The following SLC38A7 variants were observed in gnomAD, a reference collection of about 807,000 sequenced individuals.
SLC38A7 encodes the protein sodium-coupled neutral amino acid transporter 7.
In SLC38A7, 29 loss-of-function variants were observed where a neutral mutation model predicts 50.1. The observed-to-expected ratio is 0.58, with a 90% CI of 0.43 to 0.79. The LOEUF (loss-of-function observed/expected upper bound fraction) is 0.79, where lower values mean the gene tolerates loss of function less well. Ranked by LOEUF, SLC38A7 falls within the 30% of genes least tolerant of loss-of-function variation. SLC38A7 has a pLI of 0.00. For synonymous variants in SLC38A7, 244 were observed against 245.9 expected (o/e 0.99, Z 0.07); for missense variants, 483 against 610.6 (o/e 0.79, Z 2.20).
At position 58,676,362 on chromosome 16, in the gene SLC38A7, CATG is replaced by C. The variant is rs1367784430; in HGVS notation, c.711-19_711-17del. ...GGAAGCCGGCCTGTGAACAAACACA[CATG>C]GTGCTGCCACCTGGGAACCCCTCAG... is the stretch of plus-strand genomic sequence containing the variant. On this transcript the variant is annotated splice_polypyrimidine_tract_variant and intron_variant, in intron 6 of 11. Coordinates refer to ENST00000219320, the MANE Select transcript of SLC38A7 (RefSeq NM_018231.3). 6.2e-7 allele frequency: 1 copy of C among 1,614,142 alleles called. No individual in the cohort carries two copies. The highest frequency in any genetic ancestry group is 1.1e-5 in the South Asian group (1 of 91,088).
chr16:58,671,943 C>T, intron 9 of SLC38A7, 153 bp downstream of exon 9: 1 of 879,568 alleles, frequency 1.1e-6, no homozygotes, highest in Non-Finnish European at 1.7e-6. Context: ...GACACCTGGC[C>T]TGGGATATGT....
Position 58,675,919 on chromosome 16 carries a change from TTGG to T in SLC38A7, c.883+18_883+20del. On this transcript the variant is annotated intron_variant, in intron 8 of 11. Coordinates refer to ENST00000219320, the MANE Select transcript of SLC38A7 (RefSeq NM_018231.3). ...AGTGAGAGCACTCTAGTCCCAGGTC[TTGG>T]GGGGGGGGAGCACTCACCTGTCCCC... 6.5e-7 allele frequency: 1 copy of T among 1,527,488 alleles called. No homozygotes were observed. The highest frequency in any genetic ancestry group is 1.2e-5 in the South Asian group (1 of 86,518). 94.6% of individuals were successfully genotyped at this position (1,527,488 alleles called of 1,614,324 possible).
intron 8 of SLC38A7, among the ~76,000 whole-genome samples, chr16:58,673,083 ATTTTTTTTTTTTTTT>A (rs34081609): frequency 8.3e-5 from 5 of 60,362 alleles, no homozygotes; most frequent in Non-Finnish European, 1.1e-4. Flanking sequence ...TGCCCGGCTA[ATTTTTTTTTTTTTTT>A]TTTTTTTTTT....
chr16:58,676,183 C>T, intron 7 of SLC38A7, 106 bp downstream of exon 7: 1 of 1,572,296 alleles, frequency 6.4e-7, no homozygotes, highest in South Asian at 1.1e-5. Context: ...CATCCTTCCC[C>T]CCAGGATTTC....
chr16:58,675,987 A>G lies in SLC38A7; in HGVS notation c.836T>C (p.Val279Ala), dbSNP rs1442587795. 6.2e-7 allele frequency: 1 copy of G among 1,613,080 alleles called. No individual in the cohort carries two copies. The highest frequency in any genetic ancestry group is 8.5e-7 in the Non-Finnish European group (1 of 1,179,720). The change falls in exon 8 of 12, where the codon GTG (valine) becomes GCG (alanine). Residue 279 changes from valine to alanine, a missense_variant. By Grantham distance (64) the Val-to-Ala change is moderately conservative. Coordinates refer to ENST00000219320, the MANE Select transcript of SLC38A7 (RefSeq NM_018231.3). ...GGCTATGACCATGGCAGCTGTCACCACTCCACCCCAGGTCTTCACTTCAGG... is the reference window on the plus strand; with the variant it reads ...GGCTATGACCATGGCAGCTGTCACCGCTCCACCCCAGGTCTTCACTTCAGG... ...QQPEVKTWGG[V>A]VTAAMVIALA...
Position 58,667,223 on chromosome 16 carries a change from T to C in SLC38A7, c.*162A>G. 1.4e-6 allele frequency: 1 copy of C among 694,794 alleles called. No individual in the cohort carries two copies. The highest frequency in any genetic ancestry group is 2.5e-6 in the Non-Finnish European group (1 of 405,840). The allele number at this position is 694,794 out of a possible 1,614,324, so 43.0% of individuals were successfully genotyped here. A position where few individuals can be genotyped will look rare whatever the true frequency, so the allele number is the denominator to read the frequency against. On this transcript the variant is annotated 3_prime_UTR_variant, in exon 12 of 12. Coordinates refer to ENST00000219320, the MANE Select transcript of SLC38A7 (RefSeq NM_018231.3). ...CAGGAAGGGGACTGGATTTGAGCTG[T>C]CCAGAGGTGTGGGGCCTGAGTTTGC...
rs1351336206 is a variant in SLC38A7 at position 58,671,042 on chromosome 16, C to T, written c.1231+3G>A. ...TGTGAGATGGGGCGCCAGGGGTCCGCACCTGGGAAGACGAAGATGAAGCAG... is the reference window on the plus strand; with the variant it reads ...TGTGAGATGGGGCGCCAGGGGTCCGTACCTGGGAAGACGAAGATGAAGCAG... On this transcript the variant is annotated splice_donor_region_variant and intron_variant, in intron 10 of 11. Coordinates refer to ENST00000219320, the MANE Select transcript of SLC38A7 (RefSeq NM_018231.3). 3 of 1,586,992 alleles carry T rather than the reference C, an allele frequency of 1.9e-6. No individual in the cohort carries two copies. Among genetic ancestry groups the T allele is most frequent in the Non-Finnish European group, 2.6e-6 (3 of 1,167,710 alleles).
In SLC38A7 at chr16:58,672,803, C is replaced by T. The variant is rs148616113; in HGVS notation, c.884-560G>A. On this transcript the variant is annotated intron_variant, in intron 8 of 11. Coordinates refer to ENST00000219320, the MANE Select transcript of SLC38A7 (RefSeq NM_018231.3). ...CTAGGACTACAGGCAGATGCCACCA[C>T]ACCCAGCTAATTTTCTTGTAGAGAT... 7.7e-3 allele frequency among the ~76,000 whole-genome samples: 1,171 copies of T among 152,144 alleles called. 20 individuals are homozygous for T. The highest frequency in any genetic ancestry group is 0.026 in the African/African-American group (1,059 of 41,506).
chr16:58,675,469 C>A, intron 8 of SLC38A7: 1 of 321,030 alleles, frequency 3.1e-6, no homozygotes, highest in Non-Finnish European at 6.1e-6. Flanking sequence ...GAGCTATCAT[C>A]ATGCCACTGC....
At chr16:58,680,651 A>T (rs1385216740) in intron 2 of SLC38A7, among the ~76,000 whole-genome samples, 3 of 152,170 alleles carry the variant, frequency 2.0e-5, no homozygotes, top group Admixed American at 6.5e-5. Flanking sequence ...TTGGATCCAG[A>T]TCTGTCTGGC....
chr16:58,671,953 T>C (rs1024000096), intron 9 of SLC38A7, 143 bp downstream of exon 9: 95 of 1,014,084 alleles, frequency 9.4e-5, no homozygotes, highest in Non-Finnish European at 1.2e-4. Flanking sequence ...CTGGGATATG[T>C]AGGGACCCAT....
rs1245982678 is a variant in SLC38A7 at position 58,680,091 on chromosome 16, C to T, written c.36G>A (p.Glu12=). 5 of 1,554,428 alleles carry T rather than the reference C, an allele frequency of 3.2e-6. No individual in the cohort carries two copies. Among genetic ancestry groups the T allele is most frequent in the East Asian group, 2.3e-5 (1 of 44,292 alleles). The change falls in exon 3 of 12, where the codon GAG becomes GAA. Residue 12 remains glutamate, a synonymous_variant. Transcript: ENST00000219320. ...AQVSINNDYS[E]WDLSTDAGER... ...CCCCGGCATCCGTGCTCAAGTCCCACTCGCTGTAGTCATTGTTGATGCTGA... is the reference window on the plus strand; with the variant it reads ...CCCCGGCATCCGTGCTCAAGTCCCATTCGCTGTAGTCATTGTTGATGCTGA...
At chr16:58,671,381 A>T in intron 9 of SLC38A7, 137 bp from the exon 10 acceptor site, 1 of 795,900 alleles carries the variant, frequency 1.3e-6, no homozygotes, top group Non-Finnish European at 2.0e-6. Context: ...TCTTCTGTAA[A>T]ATGGGCCACC....
rs139002534 is a variant in SLC38A7, at chr16:58,671,895, C to T, written c.1031+201G>A. 3,948 of 509,898 alleles carry T rather than the reference C, an allele frequency of 7.7e-3. 30 individuals are homozygous for T. Among genetic ancestry groups the T allele is most frequent in the Non-Finnish European group, 0.01 (3,079 of 299,092 alleles). 31.6% of individuals were successfully genotyped at this position (509,898 alleles called of 1,614,324 possible). ...TGGATAGAGATTCTTACAGGACTCA[C>T]GGAATGTTCTGGTGACCCCAGGACA... On this transcript the variant is annotated intron_variant, in intron 9 of 11. Coordinates refer to ENST00000219320, the MANE Select transcript of SLC38A7 (RefSeq NM_018231.3).
At chr16:58,669,442 G>A (rs1567468936) in intron 11 of SLC38A7, among the ~76,000 whole-genome samples, 1 of 151,916 alleles carries the variant, frequency 6.6e-6, no homozygotes, top group Admixed American at 6.6e-5. Flanking sequence ...AACAAAACAA[G>A]AGCCCTGCAT....
intron 11 of SLC38A7, among the ~76,000 whole-genome samples, chr16:58,668,864 C>T (rs111784630): frequency 8.0e-5 from 12 of 150,610 alleles, no homozygotes; most frequent in African/African-American, 2.4e-4. Flanking sequence ...CCTCCGCCTC[C>T]GGGGTTCAAG....
chr16:58,668,187 C>G (rs937771276), intron 11 of SLC38A7, among the ~76,000 whole-genome samples: 4 of 151,626 alleles, frequency 2.6e-5, no homozygotes, highest in African/African-American at 9.7e-5. Flanking sequence ...TCTATAATCC[C>G]AGCACTTTGG....
intron 9 of SLC38A7, 32 bp downstream of exon 9, chr16:58,672,064 G>C: frequency 6.5e-7 from 1 of 1,540,270 alleles, no homozygotes; most frequent in Non-Finnish European, 8.8e-7. Context: ...ACAGGGGCTA[G>C]GAGGGGCCCT....
At position 58,675,976 on chromosome 16, in the gene SLC38A7, C is replaced by CT; in HGVS notation, c.846_847insA (p.Ala283SerfsTer27). On this transcript the variant is annotated frameshift_variant, in exon 8 of 12. Transcript: ENST00000219320. LOFTEE classifies it high-confidence loss of function. ...TAGACAGCGAGGGCTATGACCATGG[C>CT]AGCTGTCACCACTCCACCCCAGGTC... The CT allele has an allele frequency of 6.2e-7, 1 of 1,613,566 alleles. No homozygotes were observed. The highest frequency in any genetic ancestry group is 8.5e-7 in the Non-Finnish European group (1 of 1,179,812).
Sources: gnomAD v4.1 joint callset for allele counts (sites outside exome capture counted in the v4.1 genomes callset) on GRCh38, gnomAD v4.1.1 for gene constraint, MANE v1.5 for transcripts, NCBI Gene and HGNC (gene_info 2026-07-23, HGNC 2026-07-21) for gene names.